The following ETV6 variants were observed in gnomAD, a reference collection of about 807,000 sequenced individuals.
ETV6 encodes ETS variant transcription factor 6.
ETV6 carries 16 observed loss-of-function variants against 51.1 expected under a neutral mutation model. The observed-to-expected ratio is 0.31, with a 90% CI of 0.21 to 0.48. The LOEUF (loss-of-function observed/expected upper bound fraction) is 0.48. ETV6 is among the 20% of genes least tolerant of loss of function. The pLI, the probability that ETV6 is intolerant of heterozygous loss-of-function variation, is 0.99. For missense variants in ETV6, 458 were observed against 594.8 expected (o/e 0.77, Z 2.39); for synonymous variants, 240 against 224.1 (o/e 1.07, Z -0.64).
chr12:11,765,793 A>G (rs1480695616), intron 2 of ETV6, among the ~76,000 whole-genome samples: 1 of 151,976 alleles, frequency 6.6e-6, no homozygotes, highest in Non-Finnish European at 1.5e-5. Context: ...ATAATTTGTC[A>G]TTTTATTTTC....
intron 2 of ETV6, among the ~76,000 whole-genome samples, chr12:11,756,095 TAG>T (rs1945002924): frequency 6.6e-6 from 1 of 152,110 alleles, no homozygotes; most frequent in Non-Finnish European, 1.5e-5. Flanking sequence ...TATTGAGAAG[TAG>T]AGAGTGATGC....
At chr12:11,774,895 G>C (rs76928651) in intron 2 of ETV6, among the ~76,000 whole-genome samples, 5,305 of 152,248 alleles carry the variant, frequency 0.035, 103 homozygotes, top group Middle Eastern at 0.1. Context: ...TGCAGCAGAG[G>C]GACCGTAGCC....
rs1865427114 is a variant in ETV6 at position 11,723,312 on chromosome 12, C to G, written c.34-29138C>G. ...GTGACTGATATTTTTTGAGCACTTACTATAGGCCAGAGATTGACTCAGTAC... is the reference window on the plus strand; with the variant it reads ...GTGACTGATATTTTTTGAGCACTTAGTATAGGCCAGAGATTGACTCAGTAC... On this transcript the variant is annotated intron_variant, in intron 1 of 7. Coordinates refer to ENST00000396373, the MANE Select transcript of ETV6 (RefSeq NM_001987.5). 2.0e-5 allele frequency among the ~76,000 whole-genome samples: 3 copies of G among 152,130 alleles called. No individual in the cohort carries two copies. The South Asian group carries it at 6.2e-4, about 32-fold the overall frequency.
At chr12:11,872,598 AT>A (rs760607857) in intron 5 of ETV6, among the ~76,000 whole-genome samples, 10 of 149,930 alleles carry the variant, frequency 6.7e-5, no homozygotes, top group Non-Finnish European at 1.5e-4. Flanking sequence ...GGTTCAAGTG[AT>A]TCTCGTGCCT....
At chr12:11,660,693 A>G (rs1864085980) in intron 1 of ETV6, among the ~76,000 whole-genome samples, 1 of 151,760 alleles carries the variant, frequency 6.6e-6, no homozygotes, top group South Asian at 2.1e-4. Flanking sequence ...AGGGAAGGAA[A>G]CTTCTCTCAA....
intron 3 of ETV6, among the ~76,000 whole-genome samples, chr12:11,848,433 G>T (rs905166465): frequency 5.3e-5 from 8 of 152,124 alleles, no homozygotes; most frequent in Admixed American, 2.6e-4. Flanking sequence ...GCATGTTCTT[G>T]GTCCTCAGAC....
At chr12:11,811,522 G>A (rs1005300147) in intron 2 of ETV6, among the ~76,000 whole-genome samples, 7 of 152,108 alleles carry the variant, frequency 4.6e-5, no homozygotes, top group African/African-American at 1.7e-4. Flanking sequence ...GTAGACCAGG[G>A]AGATGGCTCA....
chr12:11,658,618 G>A (rs1408615531), intron 1 of ETV6, among the ~76,000 whole-genome samples: 1 of 152,194 alleles, frequency 6.6e-6, no homozygotes, highest in Admixed American at 6.5e-5. Context: ...GGCCTCCCGA[G>A]TCAGCTGACT....
Position 11,650,035 on chromosome 12 carries a change from G to T in ETV6, c.-93G>T, listed in dbSNP as rs1863860199. 1.3e-5 allele frequency: 15 copies of T among 1,136,966 alleles called. No individual in the cohort carries two copies. Among genetic ancestry groups the T allele is most frequent in the Non-Finnish European group, 1.9e-5 (14 of 749,780 alleles). 70.4% of individuals were successfully genotyped at this position (1,136,966 alleles called of 1,614,324 possible). On this transcript the variant is annotated 5_prime_UTR_variant, in exon 1 of 8. Transcript: ENST00000396373. The stretch of plus-strand genomic sequence containing the variant: ...GCTGGAAGAAACTTCTTAAATGACC[G>T]CGTCTGGCTGGCCGTGGAGCCTTTC...
At chr12:11,728,287 A>G (rs1038172381) in intron 1 of ETV6, among the ~76,000 whole-genome samples, 2 of 152,184 alleles carry the variant, frequency 1.3e-5, no homozygotes, top group Non-Finnish European at 2.9e-5. Flanking sequence ...CTGTAAGAAC[A>G]GTTTATACCA....
intron 2 of ETV6, among the ~76,000 whole-genome samples, chr12:11,797,153 A>G (rs541661328): frequency 1.3e-5 from 2 of 152,304 alleles, no homozygotes; most frequent in East Asian, 3.9e-4. Flanking sequence ...AGATCTAATC[A>G]TGCCTCTCCA....
At chr12:11,689,365 A>C (rs144374668) in intron 1 of ETV6, among the ~76,000 whole-genome samples, 3 of 152,286 alleles carry the variant, frequency 2.0e-5, no homozygotes, top group African/African-American at 7.2e-5. Context: ...CTCAGACCTG[A>C]CCACTGCTTC....
At chr12:11,799,462 G>GT (rs970770226) in intron 2 of ETV6, among the ~76,000 whole-genome samples, 1 of 152,224 alleles carries the variant, frequency 6.6e-6, no homozygotes, top group African/African-American at 2.4e-5. Flanking sequence ...AGGCATTGGA[G>GT]TTGGTGGTCT....
At chr12:11,796,064 C>T (rs973186227) in intron 2 of ETV6, among the ~76,000 whole-genome samples, 1 of 152,110 alleles carries the variant, frequency 6.6e-6, no homozygotes, top group African/African-American at 2.4e-5. Flanking sequence ...CTCAAATTAC[C>T]TTGGCCACAT....
rs1336469005 is a variant in ETV6, at chr12:11,718,961, T to C, written c.34-33489T>C. Among the ~76,000 whole-genome samples, 9 of 152,362 alleles carry C rather than the reference T, an allele frequency of 5.9e-5. No individual in the cohort carries two copies. The East Asian group carries it at 1.5e-3, about 26-fold the overall frequency. ...CAGGCATTGCCCAGAGTCTGGGTTC[T>C]CTCTCTCCTGAAGTTGTTGAGGCTG... On this transcript the variant is annotated intron_variant, in intron 1 of 7. Transcript: ENST00000396373.
intron 1 of ETV6, among the ~76,000 whole-genome samples, chr12:11,741,095 T>G (rs2856337): frequency 6.6e-6 from 1 of 152,218 alleles, no homozygotes; most frequent in Admixed American, 6.5e-5. Context: ...TTTTACTAAC[T>G]AGTCAGCTGC....
At chr12:11,865,703 G>A (rs899166216) in intron 4 of ETV6, among the ~76,000 whole-genome samples, 2 of 148,206 alleles carry the variant, frequency 1.3e-5, no homozygotes, top group African/African-American at 4.9e-5. Flanking sequence ...TGGTGTGTGT[G>A]TATATATATA....
chr12:11,869,452 A>G lies in ETV6; in HGVS notation c.492A>G (p.Pro164=). 6.2e-7 allele frequency: 1 copy of G among 1,613,182 alleles called. No individual in the cohort carries two copies. Among genetic ancestry groups the G allele is most frequent in the Non-Finnish European group, 8.5e-7 (1 of 1,179,492 alleles). ...ACTGTGTCCAGAGGACCCCCAGGCCATCCGTGGATAATGTGCACCATAACC... is the reference window on the plus strand; with the variant it reads ...ACTGTGTCCAGAGGACCCCCAGGCCGTCCGTGGATAATGTGCACCATAACC... ...EDNCVQRTPR[P]SVDNVHHNPP... Residue 164 remains proline (P), a synonymous_variant, in exon 5 of 8, where the codon CCA becomes CCG. Coordinates refer to ENST00000396373, the MANE Select transcript of ETV6 (RefSeq NM_001987.5). The surrounding 1 kb of genome is among the most constrained non-coding windows in gnomAD (Gnocchi z 5.0).
intron 2 of ETV6, among the ~76,000 whole-genome samples, chr12:11,819,308 A>G (rs1157709716): frequency 6.6e-6 from 1 of 152,164 alleles, no homozygotes; most frequent in African/African-American, 2.4e-5. Context: ...CTTGCAAGAT[A>G]CCACTGTCCT....
Sources: gnomAD v4.1 joint callset for allele counts (sites outside exome capture counted in the v4.1 genomes callset) on GRCh38, gnomAD v4.1.1 for gene constraint, Gnocchi (gnomAD v3.1) non-coding constraint, MANE v1.5 for transcripts, NCBI Gene and HGNC (gene_info 2026-07-23, HGNC 2026-07-21) for gene names.